DPP10: variants seen among roughly 807,000 people sequenced by gnomAD.
DPP10 encodes the protein dipeptidyl peptidase like 10.
DPP10 carries 33 observed loss-of-function variants against 120.9 expected under a neutral mutation model. The observed-to-expected ratio is 0.27, with a 90% CI of 0.21 to 0.37. The LOEUF (loss-of-function observed/expected upper bound fraction) is 0.37. Ranked by LOEUF, DPP10 falls within the 10% of genes least tolerant of loss-of-function variation. The probability of loss-of-function intolerance (pLI) is 1.00; values close to 1 mark genes in which losing one functional copy is unlikely to be tolerated. For missense variants in DPP10, 816 were observed against 942.8 expected, an observed-to-expected ratio of 0.87 and a Z score of 1.76; for synonymous variants, 337 against 326.1, an observed-to-expected ratio of 1.03 and a Z score of -0.36.
chr2:115,054,399 A>G (rs1429145605), intron 1 of DPP10, among the ~76,000 whole-genome samples: 2 of 152,128 alleles, frequency 1.3e-5, no homozygotes, highest in African/African-American at 2.4e-5. Flanking sequence ...TAGGTCTTTC[A>G]TTATTTCCAT....
At chr2:114,681,751 T>C (rs1699042099) in intron 1 of DPP10, among the ~76,000 whole-genome samples, 1 of 152,068 alleles carries the variant, frequency 6.6e-6, no homozygotes. Context: ...TTTAAATTGC[T>C]TTTGGATGAG....
chr2:115,027,532 G>T (rs184476917), intron 1 of DPP10, among the ~76,000 whole-genome samples: 7 of 152,056 alleles, frequency 4.6e-5, no homozygotes, highest in Non-Finnish European at 5.9e-5. Context: ...AATTCAGTTT[G>T]CTATTATTTC....
intron 7 of DPP10, among the ~76,000 whole-genome samples, chr2:115,699,805 A>G (rs2091804574): frequency 6.6e-6 from 1 of 152,196 alleles, no homozygotes; most frequent in Admixed American, 6.5e-5. Flanking sequence ...AACAAATTCA[A>G]CTGTGTAAAA....
At chr2:115,828,567 T>C (rs1270470522) in intron 21 of DPP10, among the ~76,000 whole-genome samples, 1 of 152,152 alleles carries the variant, frequency 6.6e-6, no homozygotes, top group Non-Finnish European at 1.5e-5. Context: ...CATGCATTTC[T>C]TTGTATGTTC....
chr2:115,261,624 T>A (rs2059253578), intron 1 of DPP10, among the ~76,000 whole-genome samples: 1 of 152,212 alleles, frequency 6.6e-6, no homozygotes, highest in African/African-American at 2.4e-5. Flanking sequence ...GTGTGTGTGT[T>A]GTAAAATCAG....
intron 1 of DPP10, among the ~76,000 whole-genome samples, chr2:114,511,441 C>G (rs184630250): frequency 1.3e-5 from 2 of 152,228 alleles, no homozygotes; most frequent in Admixed American, 1.3e-4. Context: ...CCCATTTATT[C>G]TTGCACTAAA....
At chr2:115,802,778 G>T (rs539501907) in intron 19 of DPP10, among the ~76,000 whole-genome samples, 1 of 152,012 alleles carries the variant, frequency 6.6e-6, no homozygotes, top group African/African-American at 2.4e-5. Flanking sequence ...TAGTTTGATT[G>T]CACTGTGGTC....
intron 1 of DPP10, among the ~76,000 whole-genome samples, chr2:114,733,153 G>A (rs1348814311): frequency 6.6e-6 from 1 of 152,192 alleles, no homozygotes; most frequent in African/African-American, 2.4e-5. Context: ...GAAGTCTTAA[G>A]TTTGGCTCAA....
At chr2:115,360,415 T>C (rs932795596) in intron 3 of DPP10, among the ~76,000 whole-genome samples, 3 of 152,214 alleles carry the variant, frequency 2.0e-5, no homozygotes, top group Non-Finnish European at 2.9e-5. Flanking sequence ...GATCTCTACA[T>C]TGTATTTCAC....
intron 1 of DPP10, among the ~76,000 whole-genome samples, chr2:114,502,943 A>G (rs976864569): frequency 6.6e-6 from 1 of 151,572 alleles, no homozygotes; most frequent in Admixed American, 6.6e-5. Context: ...CCCTTGCCAC[A>G]GCTTGAGACA....
At chr2:115,684,287 C>A (rs994091632) in intron 5 of DPP10, among the ~76,000 whole-genome samples, 8 of 151,718 alleles carry the variant, frequency 5.3e-5, no homozygotes, top group Non-Finnish European at 1.2e-4. Context: ...ACTAGAGTCT[C>A]CTAGCTCATA....
intron 1 of DPP10, among the ~76,000 whole-genome samples, chr2:115,205,415 G>A (rs1325203995): frequency 6.6e-6 from 1 of 151,980 alleles, no homozygotes; most frequent in African/African-American, 2.4e-5. Flanking sequence ...TGTGCGGTGC[G>A]GCTTCAGTTG....
intron 1 of DPP10, among the ~76,000 whole-genome samples, chr2:115,007,772 A>G (rs1293354855): frequency 6.7e-6 from 1 of 149,776 alleles, no homozygotes; most frequent in African/African-American, 2.4e-5. Context: ...AAGCATTCCT[A>G]TACACCAACA....
intron 1 of DPP10, among the ~76,000 whole-genome samples, chr2:114,945,139 C>T (rs1390289344): frequency 6.6e-6 from 1 of 152,044 alleles, no homozygotes; most frequent in African/African-American, 2.4e-5. Flanking sequence ...CAAAAAATTC[C>T]TAGAAAAGCG....
intron 1 of DPP10, among the ~76,000 whole-genome samples, chr2:115,177,826 C>T (rs556032987): frequency 3.3e-5 from 5 of 152,158 alleles, no homozygotes; most frequent in South Asian, 2.1e-4. Context: ...TACAGTGGCG[C>T]GATCTCTGCT....
intron 1 of DPP10, among the ~76,000 whole-genome samples, chr2:114,850,361 T>TAA (rs1473661729): frequency 6.6e-6 from 1 of 152,146 alleles, no homozygotes; most frequent in Non-Finnish European, 1.5e-5. Flanking sequence ...CAAACTTATC[T>TAA]AAAAAGAAGA....
chr2:115,356,037 A>C (rs2064361373), intron 3 of DPP10, among the ~76,000 whole-genome samples: 1 of 152,078 alleles, frequency 6.6e-6, no homozygotes, highest in African/African-American at 2.4e-5. Flanking sequence ...TTGGCTATAC[A>C]GGGTCTTCTT....
chr2:115,297,976 T>C (rs753802425), intron 1 of DPP10, among the ~76,000 whole-genome samples: 4 of 152,088 alleles, frequency 2.6e-5, no homozygotes, highest in Non-Finnish European at 5.9e-5. Flanking sequence ...CTGGGATGTC[T>C]TTTCTCTCTG....
At chr2:114,647,340 G>A (rs780199143) in intron 1 of DPP10, among the ~76,000 whole-genome samples, 1 of 152,048 alleles carries the variant, frequency 6.6e-6, no homozygotes. Context: ...CAGATTCCAC[G>A]ACTTGTAATA....
Sources: allele counts gnomAD v4.1 joint callset (sites outside exome capture counted in the v4.1 genomes callset), GRCh38; gene constraint gnomAD v4.1.1; transcripts MANE v1.5; gene names NCBI Gene and HGNC (gene_info 2026-07-23, HGNC 2026-07-21).